POSTN: variants seen among roughly 807,000 people sequenced by gnomAD.
POSTN encodes the protein periostin.
Under a neutral mutation model 104.5 loss-of-function variants are expected in POSTN, and 71 were observed. That is an observed-to-expected ratio of 0.68 (90% confidence interval 0.56 to 0.83). The LOEUF is 0.83. POSTN is among the 40% of genes least tolerant of loss of function. The probability of loss-of-function intolerance (pLI) is 0.00; values close to 1 mark genes in which losing one functional copy is unlikely to be tolerated. For missense variants in POSTN, 949 were observed against 1,006.8 expected (o/e 0.94, Z 0.78); for synonymous variants, 355 against 340.7 (o/e 1.04, Z -0.46).
chr13:37,566,437 G>A (rs1438540551), intron 21 of POSTN, among the ~76,000 whole-genome samples: 1 of 152,158 alleles, frequency 6.6e-6, no homozygotes, highest in Non-Finnish European at 1.5e-5. Flanking sequence ...ATTGATGATT[G>A]ACAGTAACAT....
chr13:37,587,062 G>T (rs1179021962), intron 5 of POSTN, 134 bp from the exon 6 acceptor site: 1 of 726,860 alleles, frequency 1.4e-6, no homozygotes, highest in Non-Finnish European at 2.2e-6. Flanking sequence ...AAATGTAAAC[G>T]CTGTGGATGA....
chr13:37,568,311 G>C (rs766652964), intron 21 of POSTN, among the ~76,000 whole-genome samples: 1 of 151,944 alleles, frequency 6.6e-6, no homozygotes, highest in Non-Finnish European at 1.5e-5. Context: ...GAGATTTTAC[G>C]TTTATTAAAC....
intron 6 of POSTN, among the ~76,000 whole-genome samples, chr13:37,586,564 G>A (rs953393092): frequency 9.9e-5 from 15 of 152,014 alleles, no homozygotes; most frequent in African/African-American, 1.5e-4. Context: ...CTAAATACAC[G>A]CCAGTCATGT....
chr13:37,569,132 A>AT (rs1410530596), intron 21 of POSTN, 168 bp downstream of exon 21: 68 of 492,930 alleles, frequency 1.4e-4, no homozygotes, highest in Non-Finnish European at 4.7e-5. Context: ...TCATTTCTTC[A>AT]TAACTATTAA....
chr13:37,586,948 T>G lies in POSTN; in HGVS notation c.607-20A>C. The G allele has an allele frequency of 6.2e-7, 1 of 1,610,404 alleles. No homozygotes were observed. The highest frequency in any genetic ancestry group is 8.5e-7 in the Non-Finnish European group (1 of 1,178,502). On this transcript the variant is annotated intron_variant, in intron 5 of 22. Transcript: ENST00000379747. ...GACAACCTATAATTATTTGGAAAAA[T>G]CAAAGTGCTGAAACCAGAGATACCC...
At chr13:37,592,062 T>A (rs1479386998) in intron 3 of POSTN, 38 bp downstream of exon 3, 1 of 1,456,446 alleles carries the variant, frequency 6.9e-7, no homozygotes, top group South Asian at 1.1e-5. Flanking sequence ...TTTCTTTGCA[T>A]ATAATTCCTT....
rs547294152 is a variant in POSTN at position 37,565,675 on chromosome 13, T to C, written c.2432-1115A>G. On this transcript the variant is annotated intron_variant, in intron 21 of 22. Transcript: ENST00000379747. Reference sequence around the variant, plus strand: ...CCAGAATATAAGGCATATAATCATTTATAAAACCACATTAATACTAGAGTA... The same window carrying C: ...CCAGAATATAAGGCATATAATCATTCATAAAACCACATTAATACTAGAGTA... 3.3e-5 allele frequency among the ~76,000 whole-genome samples: 5 copies of C among 152,214 alleles called. No homozygotes were observed. In the South Asian group the frequency reaches 1.0e-3, roughly 32 times the overall value.
intron 16 of POSTN, among the ~76,000 whole-genome samples, chr13:37,575,019 A>C (rs1415218622): frequency 6.6e-6 from 1 of 152,062 alleles, no homozygotes; most frequent in African/African-American, 2.4e-5. Context: ...AATGTCATGC[A>C]ATTCATAATA....
intron 6 of POSTN, 87 bp from the exon 7 acceptor site, chr13:37,586,367 G>C: frequency 7.3e-7 from 1 of 1,366,254 alleles, no homozygotes; most frequent in Non-Finnish European, 1.0e-6. Flanking sequence ...TGACATGAAG[G>C]AGCTGATTCC....
At chr13:37,585,318 G>C (rs574352553) in intron 7 of POSTN, among the ~76,000 whole-genome samples, 2 of 152,194 alleles carry the variant, frequency 1.3e-5, no homozygotes, top group South Asian at 4.1e-4. Flanking sequence ...TAGGTGAGAG[G>C]ATTGTTTGAG....
At chr13:37,593,722 T>A (rs979095542) in intron 2 of POSTN, among the ~76,000 whole-genome samples, 1 of 151,500 alleles carries the variant, frequency 6.6e-6, no homozygotes, top group African/African-American at 2.4e-5. Context: ...AAGAATAAAA[T>A]CTTTTTTTAG....
chr13:37,582,255 T>G, intron 10 of POSTN, 111 bp downstream of exon 10: 4 of 1,262,612 alleles, frequency 3.2e-6, no homozygotes, highest in Non-Finnish European at 4.3e-6. Flanking sequence ...GATGCTTCTA[T>G]GAATATTTAC....
intron 15 of POSTN, 31 bp downstream of exon 15, chr13:37,578,813 A>AG (rs746057691): frequency 1.1e-5 from 16 of 1,491,512 alleles, no homozygotes; most frequent in South Asian, 1.3e-5. Context: ...AAAAAAAAAA[A>AG]AAAAGAAATA....
At chr13:37,578,738 G>A in intron 15 of POSTN, 106 bp downstream of exon 15, 2 of 937,732 alleles carry the variant, frequency 2.1e-6, no homozygotes, top group Non-Finnish European at 3.0e-6. Flanking sequence ...GGCGGAGCTT[G>A]CAGTGAGCTG....
intron 15 of POSTN, 119 bp from the exon 16 acceptor site, chr13:37,577,917 A>G: frequency 6.8e-7 from 1 of 1,467,874 alleles, no homozygotes; most frequent in Non-Finnish European, 9.1e-7. Flanking sequence ...CACTTAATAG[A>G]AGTGAAGTCC....
intron 15 of POSTN, 81 bp downstream of exon 15, chr13:37,578,763 C>A (rs555801690): frequency 2.8e-4 from 329 of 1,187,962 alleles, no homozygotes; most frequent in Non-Finnish European, 3.3e-4. Flanking sequence ...CATGCCACTG[C>A]ACTACAGCCT....
chr13:37,577,759 CA>C lies in POSTN; in HGVS notation c.2001del (p.Val668SerfsTer7). ...ATATTTATTATATACTTACTATAGACAGTCACGGGGATTTCTTTGAAGGTGC... is the reference window on the plus strand; with the variant it reads ...ATATTTATTATATACTTACTATAGACGTCACGGGGATTTCTTTGAAGGTGC... ...RGSTFKEIPV[T>X]VYTTKIITKV... On this transcript the variant is annotated frameshift_variant, in exon 16 of 23. Coordinates refer to ENST00000379747, the MANE Select transcript of POSTN (RefSeq NM_006475.3). LOFTEE classifies it high-confidence loss of function. The C allele has an allele frequency of 6.2e-7, 1 of 1,613,322 alleles. No homozygotes were observed. Among genetic ancestry groups the C allele is most frequent in the East Asian group, 2.2e-5 (1 of 44,782 alleles).
At chr13:37,595,109 C>G (rs1951049194) in intron 2 of POSTN, among the ~76,000 whole-genome samples, 1 of 150,210 alleles carries the variant, frequency 6.7e-6, no homozygotes, top group Non-Finnish European at 1.5e-5. Context: ...CAAGCCTTGA[C>G]ATCTCTCATA....
intron 2 of POSTN, among the ~76,000 whole-genome samples, chr13:37,594,049 C>T (rs1951015035): frequency 6.6e-6 from 1 of 151,836 alleles, no homozygotes; most frequent in Non-Finnish European, 1.5e-5. Context: ...GTATTGGAAA[C>T]ATATAAAAGG....
Sources: allele counts gnomAD v4.1 joint callset (sites outside exome capture counted in the v4.1 genomes callset), GRCh38; gene constraint gnomAD v4.1.1; transcripts MANE v1.5; gene names NCBI Gene and HGNC (gene_info 2026-07-23, HGNC 2026-07-21).